Variants in SH3BGR observed in about 807,000 individuals in gnomAD.
The protein encoded by SH3BGR is SH3 domain binding glutamate rich protein, also known as SH3 domain-binding glutamic acid-rich protein.
In SH3BGR, 29 loss-of-function variants were observed where a neutral mutation model predicts 24.5. That is an observed-to-expected ratio of 1.18 (90% CI 0.88 to 1.61). SH3BGR has a LOEUF of 1.61. SH3BGR is among the 40% of genes most tolerant of loss of function. The pLI is 0.00. For synonymous variants in SH3BGR, 55 were observed against 65.7 expected (o/e 0.84, Z 0.79); for missense variants, 162 against 205.8 (o/e 0.79, Z 1.30).
chr21:39,470,415 T>A (rs966520774), intron 2 of SH3BGR, among the ~76,000 whole-genome samples: 1 of 152,024 alleles, frequency 6.6e-6, no homozygotes, highest in Non-Finnish European at 1.5e-5. Context: ...CGCACCACCA[T>A]GCCCTGCTAA....
At chr21:39,491,741 AT>A (rs552318487) in intron 3 of SH3BGR, 15 of 224,828 alleles carry the variant, frequency 6.7e-5, no homozygotes, top group African/African-American at 3.2e-4. Context: ...TTGCTTAGAA[AT>A]GTCCCTGACT....
intron 3 of SH3BGR, among the ~76,000 whole-genome samples, chr21:39,491,383 C>T (rs944245397): frequency 1.3e-5 from 2 of 151,910 alleles, no homozygotes; most frequent in Non-Finnish European, 1.5e-5. Flanking sequence ...CTCCTGACCT[C>T]AAGTAATCCA....
At chr21:39,451,833 GC>G, upstream of SH3BGR, 1 of 1,518,798 alleles carries the variant, frequency 6.6e-7, no homozygotes, top group Non-Finnish European at 9.0e-7. Flanking sequence ...TCCAGTGGCT[GC>G]TTTTATCGAC....
At chr21:39,452,332 G>A (rs1439261071) in intron 1 of SH3BGR, among the ~76,000 whole-genome samples, 191 bp downstream of exon 1, 1 of 152,162 alleles carries the variant, frequency 6.6e-6, no homozygotes, top group African/African-American at 2.4e-5. Flanking sequence ...GTGTAATCTG[G>A]ATGGCTGGGT....
intron 1 of SH3BGR, among the ~76,000 whole-genome samples, chr21:39,461,651 G>T (rs1380210355): frequency 6.6e-6 from 1 of 152,112 alleles, no homozygotes; most frequent in South Asian, 2.1e-4. Flanking sequence ...ACAGTTGGCC[G>T]CCTGTGATTG....
At chr21:39,482,101 C>A (rs1175029058) in intron 3 of SH3BGR, among the ~76,000 whole-genome samples, 4 of 152,184 alleles carry the variant, frequency 2.6e-5, no homozygotes, top group Non-Finnish European at 5.9e-5. Flanking sequence ...CATAGTCTCA[C>A]CAGTCAAGTG....
intron 5 of SH3BGR, among the ~76,000 whole-genome samples, chr21:39,509,273 G>T (rs1264159554): frequency 6.6e-6 from 1 of 152,148 alleles, no homozygotes; most frequent in East Asian, 1.9e-4. Context: ...AGGTGAAGGT[G>T]TCTTCCGTGG....
chr21:39,478,759 T>G (rs184881137), intron 3 of SH3BGR, among the ~76,000 whole-genome samples: 49 of 152,226 alleles, frequency 3.2e-4, no homozygotes, highest in Non-Finnish European at 5.7e-4. Context: ...TTCTTAATTT[T>G]CTACCTTATC....
chr21:39,499,371 A>G (rs1303937673), intron 3 of SH3BGR, among the ~76,000 whole-genome samples: 1 of 151,362 alleles, frequency 6.6e-6, no homozygotes, highest in East Asian at 2.0e-4. Flanking sequence ...CCATCCATCT[A>G]TCCATCCATC....
At chr21:39,509,560 C>T (rs567070177) in intron 5 of SH3BGR, among the ~76,000 whole-genome samples, 59 of 150,304 alleles carry the variant, frequency 3.9e-4, no homozygotes, top group Admixed American at 6.6e-4. Flanking sequence ...CTGCAACCTC[C>T]GCTTCCTGGG....
chr21:39,495,341 A>G (rs1015516789), intron 3 of SH3BGR, among the ~76,000 whole-genome samples: 5 of 152,136 alleles, frequency 3.3e-5, no homozygotes, highest in African/African-American at 1.2e-4. Flanking sequence ...AACATTGACT[A>G]TTGTGTTTGT....
At chr21:39,514,978 T>C (rs1399755065) in intron 6 of SH3BGR, 110 bp from the exon 7 acceptor site, 1 of 347,644 alleles carries the variant, frequency 2.9e-6, no homozygotes, top group Non-Finnish European at 5.8e-6. Flanking sequence ...TAGTGGTTTA[T>C]AGAATAAAAG....
chr21:39,493,744 T>C (rs1344102021), intron 3 of SH3BGR, among the ~76,000 whole-genome samples: 1 of 152,228 alleles, frequency 6.6e-6, no homozygotes, highest in Non-Finnish European at 1.5e-5. Flanking sequence ...TACCCATTCA[T>C]GAGCATGGGA....
At chr21:39,460,805 T>C (rs1291787149) in intron 1 of SH3BGR, among the ~76,000 whole-genome samples, 1 of 152,208 alleles carries the variant, frequency 6.6e-6, no homozygotes, top group Admixed American at 6.5e-5. Flanking sequence ...ATTTTATTTT[T>C]AAGAGACAGG....
At chr21:39,455,241 G>A (rs911895331) in intron 1 of SH3BGR, among the ~76,000 whole-genome samples, 1 of 152,210 alleles carries the variant, frequency 6.6e-6, no homozygotes, top group African/African-American at 2.4e-5. Flanking sequence ...TTTCTTATAA[G>A]TAAATGTAAC....
chr21:39,509,913 C>T (rs111662243), intron 5 of SH3BGR, among the ~76,000 whole-genome samples: 4,841 of 151,656 alleles, frequency 0.032, 85 homozygotes, highest in Middle Eastern at 0.068. Flanking sequence ...TCCCAAATGT[C>T]AAAAGAAATC....
At chr21:39,508,605 A>G (rs943883833) in intron 4 of SH3BGR, among the ~76,000 whole-genome samples, 5 of 152,274 alleles carry the variant, frequency 3.3e-5, no homozygotes, top group Non-Finnish European at 7.3e-5. Flanking sequence ...TTATAAGGGC[A>G]TAAAGTCAGA....
chr21:39,480,953 TAGGC>T, intron 3 of SH3BGR, among the ~76,000 whole-genome samples: 1 of 152,348 alleles, frequency 6.6e-6, no homozygotes, highest in East Asian at 1.9e-4. Flanking sequence ...GAAACTCAAA[TAGGC>T]AGGGAAATTG....
intron 5 of SH3BGR, among the ~76,000 whole-genome samples, chr21:39,510,103 C>T (rs954348254): frequency 2.1e-5 from 3 of 145,360 alleles, no homozygotes; most frequent in African/African-American, 5.4e-5. Flanking sequence ...CCACCGCGCC[C>T]GGCTAATTTT....
Sources: gnomAD v4.1 joint callset for allele counts (sites outside exome capture counted in the v4.1 genomes callset) on GRCh38, gnomAD v4.1.1 for gene constraint, MANE v1.5 for transcripts, NCBI Gene and HGNC (gene_info 2026-07-23, HGNC 2026-07-21) for gene names.